NDC80: variants seen among roughly 807,000 people sequenced by gnomAD.
NDC80 encodes NDC80 kinetochore complex component.
Under a neutral mutation model 89.3 loss-of-function variants are expected in NDC80, and 69 were observed. The ratio of observed to expected loss-of-function variants is 0.77; its 90% CI spans 0.64 to 0.94. The LOEUF is 0.94. NDC80 is among the 40% of genes least tolerant of loss of function. NDC80 has a pLI of 0.00. For synonymous variants in NDC80, 243 were observed against 255.6 expected (o/e 0.95, Z 0.47); for missense variants, 593 against 739.6 (o/e 0.80, Z 2.30).
At chr18:2,573,941 T>TAA (rs11382759) in intron 2 of NDC80, among the ~76,000 whole-genome samples, 23 of 147,290 alleles carry the variant, frequency 1.6e-4, no homozygotes, top group South Asian at 4.2e-4. Context: ...GAGCAGGCTC[T>TAA]AAAAAAAAAA....
In NDC80 at chr18:2,573,111, A is replaced by G. The variant is rs1371751584; in HGVS notation, c.101+25A>G. ...CGTGAGTATTTCCCTTGTGGTTCTAATTTGCATGCTTTATCATCTTAGGCA... is the reference window on the plus strand; with the variant it reads ...CGTGAGTATTTCCCTTGTGGTTCTAGTTTGCATGCTTTATCATCTTAGGCA... On this transcript the variant is annotated intron_variant, in intron 2 of 16. Coordinates refer to ENST00000261597, the MANE Select transcript of NDC80 (RefSeq NM_006101.3). The G allele has an allele frequency of 2.7e-5, 42 of 1,557,810 alleles. 1 individual carries two copies. The highest frequency in any genetic ancestry group is 3.6e-5 in the Non-Finnish European group (41 of 1,135,768).
chr18:2,605,302 G>A (rs1032352795), intron 13 of NDC80, among the ~76,000 whole-genome samples: 1 of 146,720 alleles, frequency 6.8e-6, no homozygotes, highest in East Asian at 1.9e-4. Context: ...GTGTGTGTGT[G>A]TGTGTGTGTG....
chr18:2,607,099 A>G (rs2072715974), intron 14 of NDC80, among the ~76,000 whole-genome samples: 1 of 152,190 alleles, frequency 6.6e-6, no homozygotes, highest in Non-Finnish European at 1.5e-5. Flanking sequence ...TTATGTCAAC[A>G]AAGTATTAGG....
intron 10 of NDC80, among the ~76,000 whole-genome samples, chr18:2,591,240 C>T (rs1598239257): frequency 1.3e-5 from 2 of 152,310 alleles, no homozygotes; most frequent in East Asian, 3.9e-4. Flanking sequence ...CTTTCATAAA[C>T]ACAGCAATCT....
rs2072678653 is a variant in NDC80 at position 2,600,470 on chromosome 18, G to A, written c.1375-926G>A. On this transcript the variant is annotated intron_variant, in intron 12 of 16. Transcript: ENST00000261597. ...CTAAAAATACAAAAACTAGCCGGGTGTGGTGGTGCACACCTGTAGTCCCAG... is the reference window on the plus strand; with the variant it reads ...CTAAAAATACAAAAACTAGCCGGGTATGGTGGTGCACACCTGTAGTCCCAG... 4.6e-5 allele frequency among the ~76,000 whole-genome samples: 7 copies of A among 152,134 alleles called. No homozygotes were observed. In the South Asian group the frequency reaches 1.4e-3, roughly 32 times the overall value.
At chr18:2,593,276 A>C (rs1165254981) in intron 10 of NDC80, among the ~76,000 whole-genome samples, 3 of 150,156 alleles carry the variant, frequency 2.0e-5, no homozygotes, top group Non-Finnish European at 4.4e-5. Context: ...CTGGTTTCGA[A>C]CTCCTGACCT....
chr18:2,585,257 A>G, intron 7 of NDC80, 55 bp downstream of exon 7: 1 of 1,358,994 alleles, frequency 7.4e-7, no homozygotes, highest in Non-Finnish European at 1.0e-6. Flanking sequence ...TTATTGTGTC[A>G]CTATTGGATT....
chr18:2,580,550 G>C (rs970368664), intron 6 of NDC80, among the ~76,000 whole-genome samples: 2 of 151,918 alleles, frequency 1.3e-5, no homozygotes, highest in African/African-American at 4.8e-5. Flanking sequence ...TTTTGACCCA[G>C]GAGCCATGCT....
intron 10 of NDC80, among the ~76,000 whole-genome samples, chr18:2,590,622 A>G (rs999897644): frequency 3.9e-5 from 6 of 152,220 alleles, no homozygotes; most frequent in Admixed American, 3.3e-4. Flanking sequence ...GCCCACCTGG[A>G]TAATAATACA....
At chr18:2,611,887 G>C (rs765776398) in intron 16 of NDC80, among the ~76,000 whole-genome samples, 1 of 151,522 alleles carries the variant, frequency 6.6e-6, no homozygotes, top group African/African-American at 2.4e-5. Flanking sequence ...GGTGCCAATG[G>C]TCTTCACTTT....
rs1400781872 is a variant in NDC80 at position 2,602,687 on chromosome 18, T to C, written c.1464+1202T>C. On this transcript the variant is annotated intron_variant, in intron 13 of 16. Transcript: ENST00000261597. ...AGATGGGGGAAAGTTATAAAATGGC[T>C]ACTATAGACTAGGACCCATGTTAGT... 2.0e-5 allele frequency among the ~76,000 whole-genome samples: 3 copies of C among 152,264 alleles called. 1 individual carries two copies. The highest frequency in any genetic ancestry group is 6.8e-3 in the Middle Eastern group (2 of 294).
Position 2,578,016 on chromosome 18 carries a change from A to G in NDC80, c.351A>G (p.Leu117=), listed in dbSNP as rs1473605295. 1.9e-6 allele frequency: 3 copies of G among 1,614,002 alleles called. No individual in the cohort carries two copies. The highest frequency in any genetic ancestry group is 2.5e-6 in the Non-Finnish European group (3 of 1,180,004). ...GYAHNVSMKS[L]QAPSVKDFLK... is the part of the protein sequence containing the mutation. The stretch of plus-strand genomic sequence containing the variant: ...CACATAATGTGTCCATGAAATCTCT[A>G]CAAGCTCCCTCTGTTAAAGACTTCC... Residue 117 remains leucine, a synonymous_variant, in exon 5 of 17, where the codon CTA becomes CTG. Transcript: ENST00000261597.
rs773160883 is a variant in NDC80 at position 2,610,808 on chromosome 18, A to G, written c.1738A>G (p.Asn580Asp). 6.3e-7 allele frequency: 1 copy of G among 1,591,802 alleles called. No homozygotes were observed. Among genetic ancestry groups the G allele is most frequent in the East Asian group, 2.3e-5 (1 of 44,444 alleles). ...GACTGAAGAAAGACGAAAAGTGGGA[A>G]ATAACTTGCAACGTCTGTTAGAGAT... Reference protein sequence around the residue: ...TTTEERRKVGNNLQRLLEMVA... With the variant: ...TTTEERRKVGDNLQRLLEMVA... Residue 580 changes from asparagine to aspartate, a missense_variant, in exon 16 of 17, where the codon AAT becomes GAT. Transcript: ENST00000261597.
At chr18:2,607,737 G>A (rs924596533) in intron 14 of NDC80, among the ~76,000 whole-genome samples, 5 of 151,254 alleles carry the variant, frequency 3.3e-5, no homozygotes, top group Non-Finnish European at 7.4e-5. Flanking sequence ...GTATAAAATG[G>A]GAACTGAAAT....
rs1372337896 is a variant in NDC80, at chr18:2,605,295, TG to T, written c.1465-1119del. On this transcript the variant is annotated intron_variant, in intron 13 of 16. Transcript: ENST00000261597. ...ATGTATGTGTGTGTGTGTGTGTGTG[TG>T]TGTGTGTGTGTGTGTGTGTGTGTGT... Among the ~76,000 whole-genome samples the T allele has an allele frequency of 2.8e-5, 4 of 143,692 alleles. No homozygotes were observed. The East Asian group carries it at 7.8e-4, about 28-fold the overall frequency. The allele number at this position is 143,692 out of a possible 152,430, so 94.3% of individuals were successfully genotyped here.
Position 2,575,065 on chromosome 18 carries a change from A to G in NDC80, c.178A>G (p.Arg60Gly), listed in dbSNP as rs1468720966. 2 of 1,602,228 alleles carry G rather than the reference A, an allele frequency of 1.2e-6. No homozygotes were observed. Among genetic ancestry groups the G allele is most frequent in the Admixed American group, 3.4e-5 (2 of 59,614 alleles). ...SERKVSLFGK[R>G]TSGHGSRNSQ... ...AAGAAAAGTCTCGCTATTTGGCAAA[A>G]GGTAATTATATTTTTCATTAGCTCT... Residue 60 changes from arginine (R) to glycine (G), a missense_variant and splice_region_variant, in exon 3 of 17, where the codon AGA becomes GGA. By Grantham distance (125) the Arg-to-Gly change is moderately radical. Transcript: ENST00000261597.
chr18:2,590,644 T>C (rs1283108060), intron 10 of NDC80, among the ~76,000 whole-genome samples: 1 of 152,244 alleles, frequency 6.6e-6, no homozygotes, highest in African/African-American at 2.4e-5. Context: ...GGCTCTCTCT[T>C]CATCTCAAGA....
At chr18:2,611,103 C>T (rs1252004194) in intron 16 of NDC80, among the ~76,000 whole-genome samples, 1 of 146,784 alleles carries the variant, frequency 6.8e-6, no homozygotes, top group Non-Finnish European at 1.5e-5. Flanking sequence ...GGCTGGAGTC[C>T]AATGGCATGG....
At chr18:2,605,268 A>ATGTGTG (rs2072704356) in intron 13 of NDC80, among the ~76,000 whole-genome samples, 1 of 93,434 alleles carries the variant, frequency 1.1e-5, no homozygotes, top group Non-Finnish European at 2.2e-5. Context: ...CGGGCGGGCT[A>ATGTGTG]TATGTATGTG....
Sources: allele counts gnomAD v4.1 joint callset (sites outside exome capture counted in the v4.1 genomes callset), GRCh38; gene constraint gnomAD v4.1.1; transcripts MANE v1.5; gene names NCBI Gene and HGNC (gene_info 2026-07-23, HGNC 2026-07-21).